The following NTM variants were observed in gnomAD, a reference collection of about 807,000 sequenced individuals.
NTM encodes the protein neurotrimin.
A neutral mutation model predicts 42.1 loss-of-function variants in NTM; 13 were observed. The ratio of observed to expected loss-of-function variants is 0.31; its 90% confidence interval spans 0.20 to 0.49. NTM has a LOEUF of 0.49. Ranked by LOEUF, NTM falls within the 20% of genes least tolerant of loss-of-function variation. The pLI, the probability that NTM is intolerant of heterozygous loss-of-function variation, is 0.99. For missense variants in NTM, 373 were observed against 452.8 expected, an observed-to-expected ratio of 0.82 and a Z score of 1.60; for synonymous variants, 187 against 179.2, an observed-to-expected ratio of 1.04 and a Z score of -0.35.
rs754661865 is a variant in NTM at position 132,208,992 on chromosome 11, G to T, written c.401-3030G>T. ...AAGCAAGGCTGTGTGGGTGCTAAGA[G>T]TGAGCAGGGACAGGGACCAGCAAAC... On this transcript the variant is annotated intron_variant, in intron 3 of 8. Coordinates refer to ENST00000683400, the MANE Select transcript of NTM (RefSeq NM_001352005.2). Among the ~76,000 whole-genome samples, 3 of 152,260 alleles carry T rather than the reference G, an allele frequency of 2.0e-5. No individual in the cohort carries two copies. In the East Asian group the frequency reaches 5.8e-4, roughly 29 times the overall value.
intron 1 of NTM, among the ~76,000 whole-genome samples, chr11:131,451,860 A>G (rs1950514264): frequency 6.6e-6 from 1 of 152,100 alleles, no homozygotes; most frequent in Non-Finnish European, 1.5e-5. Flanking sequence ...CAAGGAGACC[A>G]TTTGGGCTAC....
chr11:131,760,408 G>A (rs1451843167), intron 1 of NTM, among the ~76,000 whole-genome samples: 1 of 152,188 alleles, frequency 6.6e-6, no homozygotes, highest in Non-Finnish European at 1.5e-5. Context: ...TTTATTCCAA[G>A]GCTTCAGTGG....
rs1162262788 is a variant in NTM at position 132,213,767 on chromosome 11, C to T, written c.526+1620C>T. 1.8e-5 allele frequency among the ~76,000 whole-genome samples: 2 copies of T among 108,954 alleles called. 1 individual carries two copies. Among genetic ancestry groups the T allele is most frequent in the East Asian group, 4.3e-4 (2 of 4,626 alleles). 71.5% of individuals were successfully genotyped at this position (108,954 alleles called of 152,430 possible). A position where few individuals can be genotyped will look rare whatever the true frequency, so the allele number is the denominator to read the frequency against. ...TTTTTTTTTTTGAGACGGAGTCTCG[C>T]TCTGTCGCCCAGGCTGGAGTGCAGT... On this transcript the variant is annotated intron_variant, in intron 4 of 8. Transcript: ENST00000683400.
chr11:131,522,031 C>T (rs531758592), intron 1 of NTM, among the ~76,000 whole-genome samples: 9 of 152,210 alleles, frequency 5.9e-5, no homozygotes, highest in African/African-American at 1.2e-4. Context: ...ATGAAAGGAT[C>T]GCCAGGCAGA....
At chr11:131,767,716 T>G (rs544355141) in intron 1 of NTM, among the ~76,000 whole-genome samples, 1 of 152,274 alleles carries the variant, frequency 6.6e-6, no homozygotes, top group South Asian at 2.1e-4. Context: ...AGAAACAAAT[T>G]TGGGAAACAA....
chr11:132,070,461 A>T (rs139823123), intron 2 of NTM, among the ~76,000 whole-genome samples: 1 of 99,720 alleles, frequency 1.0e-5, no homozygotes. Context: ...AAGTTAACAC[A>T]TCACACAGCC....
In NTM at chr11:131,874,042, T is replaced by TATATATAATAATATAATATA. The variant is rs1555162976; in HGVS notation, c.83-37515_83-37514insATAATATAATATAATATATA. Among the ~76,000 whole-genome samples the TATATATAATAATATAATATA allele has an allele frequency of 4.8e-3, 100 of 20,804 alleles. 5 individuals carry two copies. In the East Asian group the frequency reaches 0.064, roughly 13 times the overall value. The allele number at this position is 20,804 out of a possible 152,430, so 13.6% of individuals were successfully genotyped here. On this transcript the variant is annotated intron_variant, in intron 1 of 8. Transcript: ENST00000683400. ...TATAATATAATATAATATATATATATATATATATATATATATATATATATA... is the reference window on the plus strand; with the variant it reads ...TATAATATAATATAATATATATATATATATATAATAATATAATATAATATATATATATATATATATATATA...
intron 1 of NTM, among the ~76,000 whole-genome samples, chr11:131,870,102 G>A (rs533423397): frequency 7.1e-4 from 108 of 152,298 alleles, no homozygotes; most frequent in Middle Eastern, 6.8e-3. Context: ...ATTCTGGCTC[G>A]AGTCTTTGCT....
chr11:131,432,839 C>CCTTTTTTTTTTTTTTTTTTTTT (rs1565494793), intron 1 of NTM, among the ~76,000 whole-genome samples: 10 of 68,692 alleles, frequency 1.5e-4, no homozygotes, highest in Non-Finnish European at 2.6e-4. Flanking sequence ...ATTTAGCATT[C>CCTTTTTTTTTTTTTTTTTTTTT]TTTTTTTTTT....
At chr11:131,653,976 T>C (rs1456012592) in intron 1 of NTM, among the ~76,000 whole-genome samples, 1 of 152,212 alleles carries the variant, frequency 6.6e-6, no homozygotes, top group African/African-American at 2.4e-5. Context: ...AATACCTTCT[T>C]CTCCATCAGC....
At chr11:131,848,937 T>C (rs1462623915) in intron 1 of NTM, among the ~76,000 whole-genome samples, 1 of 152,228 alleles carries the variant, frequency 6.6e-6, no homozygotes, top group Non-Finnish European at 1.5e-5. Flanking sequence ...AAGGGTATCG[T>C]AAATAATTCT....
At chr11:131,937,831 A>G (rs2059385673) in intron 2 of NTM, among the ~76,000 whole-genome samples, 3 of 152,188 alleles carry the variant, frequency 2.0e-5, no homozygotes. Context: ...GTTATTTTGT[A>G]GGGCATGTTC....
chr11:132,253,132 T>C (rs767966595), intron 4 of NTM, among the ~76,000 whole-genome samples: 11 of 152,220 alleles, frequency 7.2e-5, no homozygotes, highest in Non-Finnish European at 1.5e-4. Context: ...CAAAATGTCC[T>C]TTCTGGAACA....
chr11:131,479,054 C>T (rs1273576791), intron 1 of NTM, among the ~76,000 whole-genome samples: 1 of 152,208 alleles, frequency 6.6e-6, no homozygotes, highest in Non-Finnish European at 1.5e-5. Flanking sequence ...CTTAATAAAG[C>T]CTTGTTTATG....
At chr11:132,241,627 T>C (rs1438726901) in intron 4 of NTM, among the ~76,000 whole-genome samples, 5 of 152,232 alleles carry the variant, frequency 3.3e-5, no homozygotes, top group Admixed American at 3.3e-4. Flanking sequence ...CCATGACCTC[T>C]TGCATGTGTC....
At chr11:132,141,853 G>C (rs1047454622) in intron 2 of NTM, among the ~76,000 whole-genome samples, 1 of 152,148 alleles carries the variant, frequency 6.6e-6, no homozygotes, top group African/African-American at 2.4e-5. Context: ...GGCTGTCCAC[G>C]GGGGCCACAC....
At chr11:131,977,163 A>G (rs1002511840) in intron 2 of NTM, among the ~76,000 whole-genome samples, 5 of 152,202 alleles carry the variant, frequency 3.3e-5, no homozygotes, top group Non-Finnish European at 7.3e-5. Flanking sequence ...GATCTCTGCT[A>G]CCCCACTCAC....
At position 131,423,787 on chromosome 11, in the gene NTM, C is replaced by T. The variant is rs200910887; in HGVS notation, c.82+52899C>T. On this transcript the variant is annotated intron_variant, in intron 1 of 8. Coordinates refer to ENST00000683400, the MANE Select transcript of NTM (RefSeq NM_001352005.2). ...CTGACTTGCAGGTAATAAAGTATCT[C>T]GTTCTGTCTGCATTGTCAGTCAGGG... Among the ~76,000 whole-genome samples the T allele has an allele frequency of 2.0e-5, 3 of 152,154 alleles. No homozygotes were observed. The East Asian group carries it at 5.8e-4, about 29-fold the overall frequency.
intron 1 of NTM, chr11:131,534,695 A>G (rs1390694718): frequency 6.6e-6 from 1 of 152,262 alleles, no homozygotes; most frequent in East Asian, 1.9e-4. Context: ...AACTTTTCTA[A>G]CCGTCACATT....
Sources: allele counts gnomAD v4.1 joint callset (sites outside exome capture counted in the v4.1 genomes callset), GRCh38; gene constraint gnomAD v4.1.1; transcripts MANE v1.5; gene names NCBI Gene and HGNC (gene_info 2026-07-23, HGNC 2026-07-21).